Variants in ZSCAN18 observed in about 807,000 individuals in gnomAD.
ZSCAN18 encodes the protein zinc finger and SCAN domain containing 18, also known as zinc finger and SCAN domain-containing protein 18.
In ZSCAN18, 16 loss-of-function variants were observed where a neutral mutation model predicts 31.1. The observed-to-expected ratio is 0.51, with a 90% CI of 0.35 to 0.78. The LOEUF is 0.78. Among genes scored for constraint, ZSCAN18 ranks in the 30% least tolerant of loss-of-function variants. The pLI is 0.01. For synonymous variants in ZSCAN18, 375 were observed against 320.7 expected, an observed-to-expected ratio of 1.17 and a Z score of -1.81; for missense variants, 731 against 697.4, an observed-to-expected ratio of 1.05 and a Z score of -0.54.
chr19:58,098,654 G>C (rs942787801), upstream of ZSCAN18, among the ~76,000 whole-genome samples: 1 of 152,202 alleles, frequency 6.6e-6, no homozygotes, highest in African/African-American at 2.4e-5. Context: ...GTTAAGAAAG[G>C]AGGGAGACCA....
rs532490986 is a variant in ZSCAN18, at chr19:58,111,543, T to A, written c.130+6724A>T. Reference sequence around the variant, plus strand: ...AAGTTGTTTTTTTGTTTTTTTTTTTTAAATAGAGACATGGTCTCACTATGT... The same window carrying A: ...AAGTTGTTTTTTTGTTTTTTTTTTTAAAATAGAGACATGGTCTCACTATGT... On this transcript the variant is annotated intron_variant, in intron 1 of 1. Coordinates refer to the ZSCAN18 transcript ENST00000595721. Among the ~76,000 whole-genome samples, 5 of 151,958 alleles carry A rather than the reference T, an allele frequency of 3.3e-5. No individual in the cohort carries two copies. The South Asian group carries it at 8.3e-4, about 25-fold the overall frequency.
Position 58,103,686 on chromosome 19 carries a change from C to T in ZSCAN18, c.131-13300G>A, listed in dbSNP as rs10775574. ...TTCCCTGAGACAAAACAATATTGAA[C>T]TTAGGCCAGTTAATAACCCTACAAT... On this transcript the variant is annotated intron_variant, in intron 1 of 1. Transcript: ENST00000595721. Among the ~76,000 whole-genome samples, 121 of 152,084 alleles carry T rather than the reference C, an allele frequency of 8.0e-4. 2 individuals are homozygous for T. The highest frequency in any genetic ancestry group is 2.7e-3 in the African/African-American group (111 of 41,476).
chr19:58,087,022 C>T lies in ZSCAN18; in HGVS notation c.643-14G>A, dbSNP rs751461979. The T allele has an allele frequency of 8.1e-6, 13 of 1,604,438 alleles. No homozygotes were observed. The highest frequency in any genetic ancestry group is 1.1e-5 in the South Asian group (1 of 90,460). On this transcript the variant is annotated splice_polypyrimidine_tract_variant and intron_variant, in intron 4 of 6. Coordinates refer to ENST00000601144, the MANE Select transcript of ZSCAN18 (RefSeq NM_001145543.2). ...GGACTTCAGCTTCTGAAACATTAGT[C>T]GTGGCTGAGACCTCCCACCTGCCCT...
At chr19:58,108,002 A>G in intron 1 of ZSCAN18, 2 of 1,033,120 alleles carry the variant, frequency 1.9e-6, no homozygotes, top group Non-Finnish European at 2.4e-6. Flanking sequence ...CACTGGTTAC[A>G]GCCACAGACC....
intron 1 of ZSCAN18, among the ~76,000 whole-genome samples, chr19:58,106,815 C>G (rs1292305163): frequency 6.6e-6 from 1 of 151,512 alleles, no homozygotes; most frequent in East Asian, 2.0e-4. Flanking sequence ...GGCTGCAGTG[C>G]AGTGGCTCGA....
chr19:58,101,335 G>A (rs1368498161), upstream of ZSCAN18, among the ~76,000 whole-genome samples: 1 of 127,936 alleles, frequency 7.8e-6, no homozygotes, highest in East Asian at 2.4e-4. Context: ...ATTTTTAGTA[G>A]AGACAGGGTT....
At chr19:58,117,414 G>A (rs955439316) in intron 1 of ZSCAN18, among the ~76,000 whole-genome samples, 2 of 152,254 alleles carry the variant, frequency 1.3e-5, no homozygotes, top group African/African-American at 4.8e-5. Flanking sequence ...GAACCCAGCA[G>A]GGATGGGAGG....
intron 1 of ZSCAN18, among the ~76,000 whole-genome samples, chr19:58,106,728 AG>A (rs1309266414): frequency 0.026 from 239 of 9,082 alleles, 61 homozygotes; most frequent in African/African-American, 0.05. Flanking sequence ...AAAAAAAAAA[AG>A]AAAGAAAGAA....
chr19:58,118,247 T>A (rs2074749567), intron 1 of ZSCAN18: 8 of 1,280,122 alleles, frequency 6.2e-6, no homozygotes, highest in African/African-American at 3.1e-5. Context: ...CCCCAGCCGC[T>A]CTGGAGTCCT....
In ZSCAN18 at chr19:58,088,784, A is replaced by G; in HGVS notation, c.457T>C (p.Tyr153His). 2 of 1,612,528 alleles carry G rather than the reference A, an allele frequency of 1.2e-6. No individual in the cohort carries two copies. Among genetic ancestry groups the G allele is most frequent in the Non-Finnish European group, 1.7e-6 (2 of 1,179,984 alleles). The change falls in exon 3 of 7, where the codon TAC becomes CAC. Residue 153 changes from tyrosine to histidine, a missense_variant. Tyr to His is a moderately conservative substitution (Grantham distance 83, BLOSUM62 2). Coordinates refer to ENST00000601144, the MANE Select transcript of ZSCAN18 (RefSeq NM_001145543.2). ...AGCAGAGGGTCCATGTGCCTCTCGT[A>G]CACTCCATCGCTAAGAATTGAGGAT... ...GSSSILSDGV[Y>H]ERHMDPLLLP...
intron 2 of ZSCAN18, among the ~76,000 whole-genome samples, chr19:58,089,167 G>C (rs1045817127): frequency 1.3e-5 from 2 of 149,602 alleles, no homozygotes; most frequent in Non-Finnish European, 3.0e-5. Context: ...GCCGGGCGTA[G>C]TGGCGGGCGC....
In ZSCAN18 at chr19:58,084,710, G is replaced by C. The variant is rs201438629; in HGVS notation, c.1508C>G (p.Pro503Arg). The C allele has an allele frequency of 4.1e-4, 618 of 1,506,582 alleles. 8 individuals carry two copies. In the East Asian group the frequency reaches 0.012, roughly 28 times the overall value. 93.3% of individuals were successfully genotyped at this position (1,506,582 alleles called of 1,614,324 possible). ...PPESVEGEAPPAPPEAQR is the reference protein window; with the variant it reads ...PPESVEGEAPRAPPEAQR Reference sequence around the variant, plus strand: ...TCACCTCTGCGCCTCTGGGGGTGCGGGGGGAGCCTCGCCCTCCACGCTCTC... The same window carrying C: ...TCACCTCTGCGCCTCTGGGGGTGCGCGGGGAGCCTCGCCCTCCACGCTCTC... The change falls in exon 7 of 7, where the codon CCC (proline) becomes CGC (arginine). Residue 503 changes from proline to arginine, a missense_variant. By Grantham distance (103) the Pro-to-Arg change is moderately radical. This residue lies in a region of ZSCAN18 where 597 missense variants were observed against 499.5 expected (regional missense o/e 1.20). Coordinates refer to ENST00000601144, the MANE Select transcript of ZSCAN18 (RefSeq NM_001145543.2). The surrounding 1 kb of genome is among the most constrained non-coding windows in gnomAD (Gnocchi z 4.5).
chr19:58,084,446 C>T lies in ZSCAN18; in HGVS notation c.*239G>A. 2.3e-6 allele frequency: 1 copy of T among 442,858 alleles called. No homozygotes were observed. Among genetic ancestry groups the T allele is most frequent in the Non-Finnish European group, 3.9e-6 (1 of 253,870 alleles). The allele number at this position is 442,858 out of a possible 1,614,324, so 27.4% of individuals were successfully genotyped here. On this transcript the variant is annotated 3_prime_UTR_variant, in exon 7 of 7. Coordinates refer to ENST00000601144, the MANE Select transcript of ZSCAN18 (RefSeq NM_001145543.2). The surrounding 1 kb of genome is among the most constrained non-coding windows in gnomAD (Gnocchi z 4.5). ...TGCAGGAAAGCCGAGTCTTCTTCCA[C>T]ATCCGGCGGCTCCCCTCGGATGCGA...
At chr19:58,109,685 G>A (rs1309893264) in intron 1 of ZSCAN18, among the ~76,000 whole-genome samples, 2 of 152,134 alleles carry the variant, frequency 1.3e-5, no homozygotes, top group Non-Finnish European at 2.9e-5. Context: ...AAAGTGCACA[G>A]TATATTTACT....
At chr19:58,107,591 TGC>T in intron 1 of ZSCAN18, 1 of 867,612 alleles carries the variant, frequency 1.2e-6, no homozygotes, top group Non-Finnish European at 1.4e-6. Context: ...GAGTGCACCA[TGC>T]GGTAAACACA....
Position 58,086,171 on chromosome 19 carries a change from C to T in ZSCAN18, c.838+3G>A. 2.5e-6 allele frequency: 4 copies of T among 1,614,066 alleles called. 1 individual carries two copies. In the Middle Eastern group the frequency reaches 5.0e-4, roughly 200 times the overall value. ...CCCTAACACCAATTCAACCCAACCT[C>T]ACCTGGGAGGCTGCTTCCTTGTGGA... is the stretch of plus-strand genomic sequence containing the variant. On this transcript the variant is annotated splice_donor_region_variant and intron_variant, in intron 6 of 6. Transcript: ENST00000601144.
intron 1 of ZSCAN18, among the ~76,000 whole-genome samples, chr19:58,112,378 T>C (rs996941451): frequency 5.9e-5 from 9 of 152,008 alleles, no homozygotes; most frequent in African/African-American, 1.9e-4. Flanking sequence ...AGGCTGGGCG[T>C]GGTGGCTCAC....
At position 58,085,044 on chromosome 19, in the gene ZSCAN18, C is replaced by G. The variant is rs774345803; in HGVS notation, c.1174G>C (p.Ala392Pro). The change falls in exon 7 of 7, where the codon GCA (alanine) becomes CCA (proline). Residue 392 changes from alanine to proline, a missense_variant. By Grantham distance (27) the Ala-to-Pro change is conservative (BLOSUM62 -1). Around this residue, in one of 4 missense-constraint regions of ZSCAN18, gnomAD observed 597 missense variants for 499.5 expected, o/e 1.20. Transcript: ENST00000601144. ...GGGCCCTGCCCGGCCTCCAGCCCTG[C>G]GCTGTCGCCGGAGCTAGAGACGCCC... The part of the protein sequence containing the change: ...LEGVSSSGDS[A>P]GLEAGQGPGA... The G allele has an allele frequency of 8.8e-6, 14 of 1,595,354 alleles. No homozygotes were observed. The highest frequency in any genetic ancestry group is 1.7e-5 in the Admixed American group (1 of 58,510).
chr19:58,085,504 C>T (rs1000824719), intron 6 of ZSCAN18, 125 bp from the exon 7 acceptor site: 3 of 852,168 alleles, frequency 3.5e-6, no homozygotes, highest in Non-Finnish European at 5.2e-6. Flanking sequence ...GCGGGGCTCA[C>T]GGCTGTTTGG....
Sources: gnomAD v4.1 joint callset for allele counts (sites outside exome capture counted in the v4.1 genomes callset) on GRCh38, gnomAD v4.1.1 for gene constraint, gnomAD v4.1.1 regional missense constraint, Gnocchi (gnomAD v3.1) non-coding constraint, MANE v1.5 for transcripts, NCBI Gene and HGNC (gene_info 2026-07-23, HGNC 2026-07-21) for gene names.